The following PCDH15 variants were observed in gnomAD, a reference collection of about 807,000 sequenced individuals.
PCDH15 encodes the protein protocadherin related 15.
Under a neutral mutation model 178.5 loss-of-function variants are expected in PCDH15, and 129 were observed. The observed-to-expected ratio is 0.72, with a 90% confidence interval of 0.63 to 0.84. The LOEUF (loss-of-function observed/expected upper bound fraction) is 0.84, where lower values mean the gene tolerates loss of function less well. Ranked by LOEUF, PCDH15 falls within the 40% of genes least tolerant of loss-of-function variation. The pLI, the probability that PCDH15 is intolerant of heterozygous loss-of-function variation, is 0.00. For synonymous variants in PCDH15, 800 were observed against 732.0 expected, an observed-to-expected ratio of 1.09 and a Z score of -1.50; for missense variants, 2,230 against 2,099.9, an observed-to-expected ratio of 1.06 and a Z score of -1.21.
chr10:54,630,646 A>T (rs545462473), intron 2 of PCDH15, among the ~76,000 whole-genome samples: 89 of 152,292 alleles, frequency 5.8e-4, no homozygotes, highest in African/African-American at 2.0e-3. Context: ...AATTACAAAA[A>T]ATAAAAATTG....
chr10:54,169,072 C>G (rs2046580052), intron 13 of PCDH15, among the ~76,000 whole-genome samples: 1 of 152,218 alleles, frequency 6.6e-6, no homozygotes, highest in South Asian at 2.1e-4. Flanking sequence ...ATGCCTGCAG[C>G]CCGGGATTCC....
intron 2 of PCDH15, among the ~76,000 whole-genome samples, chr10:55,099,425 T>A (rs1365445631): frequency 6.6e-6 from 1 of 152,006 alleles, no homozygotes; most frequent in Non-Finnish European, 1.5e-5. Flanking sequence ...AAATCTGAAC[T>A]AAATGAGAAA....
At chr10:54,133,063 T>C (rs543882199) in intron 14 of PCDH15, 56 bp from the exon 15 acceptor site, 8 of 1,609,900 alleles carry the variant, frequency 5.0e-6, no homozygotes. Context: ...CATTTAATGT[T>C]AGACTGCATT....
chr10:54,169,367 G>A (rs2046621262), intron 13 of PCDH15, among the ~76,000 whole-genome samples: 1 of 125,382 alleles, frequency 8.0e-6, no homozygotes, highest in South Asian at 2.5e-4. Context: ...CTTTTCAAGG[G>A]CCTGTTTCCC....
At chr10:54,893,672 T>C (rs113808997) in intron 3 of PCDH15, among the ~76,000 whole-genome samples, 12,263 of 152,146 alleles carry the variant, frequency 0.081, 529 homozygotes, top group South Asian at 0.11. Context: ...GAGTTGGGTA[T>C]GTAAACATTC....
At chr10:54,788,410 T>C (rs78858015) in intron 1 of PCDH15, among the ~76,000 whole-genome samples, 2,930 of 151,872 alleles carry the variant, frequency 0.019, 30 homozygotes, top group Non-Finnish European at 0.028. Flanking sequence ...GTCTGAGCTA[T>C]GGAATAAAAT....
intron 8 of PCDH15, among the ~76,000 whole-genome samples, chr10:54,259,927 TA>T (rs1021703592): frequency 1.3e-5 from 2 of 152,172 alleles, no homozygotes; most frequent in African/African-American, 4.8e-5. Flanking sequence ...TAATCTAGAC[TA>T]AAATACATTT....
At chr10:54,215,893 A>T (rs2051979284) in intron 9 of PCDH15, among the ~76,000 whole-genome samples, 1 of 151,598 alleles carries the variant, frequency 6.6e-6, no homozygotes. Context: ...AAATACAAAA[A>T]ATTAGCCAGC....
At chr10:55,195,505 A>T (rs1840067357) in intron 1 of PCDH15, among the ~76,000 whole-genome samples, 1 of 137,934 alleles carries the variant, frequency 7.2e-6, no homozygotes, top group Admixed American at 7.2e-5. Context: ...AAAAAAAAAA[A>T]ATTAGGCGGG....
intron 21 of PCDH15, among the ~76,000 whole-genome samples, chr10:53,989,986 CT>C (rs1177057285): frequency 6.6e-6 from 1 of 152,282 alleles, no homozygotes; most frequent in East Asian, 1.9e-4. Context: ...AATTACATGA[CT>C]GTTACTTTCT....
intron 1 of PCDH15, among the ~76,000 whole-genome samples, chr10:55,300,354 C>T (rs1227976753): frequency 6.6e-6 from 1 of 152,112 alleles, no homozygotes; most frequent in Non-Finnish European, 1.5e-5. Context: ...GACATGCATA[C>T]CACACGAAGA....
intron 1 of PCDH15, among the ~76,000 whole-genome samples, chr10:54,797,962 A>G (rs910100222): frequency 8.6e-5 from 13 of 152,014 alleles, no homozygotes; most frequent in Non-Finnish European, 1.2e-4. Context: ...TCTCACATTC[A>G]AAACTACCTC....
intron 2 of PCDH15, among the ~76,000 whole-genome samples, chr10:54,625,257 C>T (rs763404189): frequency 4.6e-5 from 7 of 152,104 alleles, no homozygotes; most frequent in Admixed American, 1.3e-4. Flanking sequence ...AGGAGGTCTC[C>T]CAGGTCCTTG....
intron 2 of PCDH15, among the ~76,000 whole-genome samples, chr10:54,645,154 A>C (rs1352544701): frequency 6.6e-6 from 1 of 152,138 alleles, no homozygotes; most frequent in African/African-American, 2.4e-5. Context: ...TGAAAGATGC[A>C]TTTCTTGCTA....
At chr10:55,174,310 T>C (rs937853775) in intron 1 of PCDH15, among the ~76,000 whole-genome samples, 5 of 152,194 alleles carry the variant, frequency 3.3e-5, no homozygotes, top group Admixed American at 1.3e-4. Context: ...CAAGGACAAT[T>C]TAAAGCCTGA....
intron 2 of PCDH15, among the ~76,000 whole-genome samples, chr10:55,554,756 T>C (rs915599682): frequency 2.0e-5 from 3 of 152,122 alleles, no homozygotes; most frequent in Admixed American, 1.3e-4. Flanking sequence ...CTAAAGTCCA[T>C]AGTTAATTTT....
At chr10:55,546,029 G>T (rs1436365824) in intron 2 of PCDH15, among the ~76,000 whole-genome samples, 1 of 152,056 alleles carries the variant, frequency 6.6e-6, no homozygotes. Context: ...TTCAGGCAAA[G>T]TTTTCACAGA....
chr10:54,239,270 A>C lies in PCDH15; in HGVS notation c.877-2339T>G, dbSNP rs927551545. Among the ~76,000 whole-genome samples, 3 of 152,004 alleles carry C rather than the reference A, an allele frequency of 2.0e-5. No homozygotes were observed. The South Asian group carries it at 6.2e-4, about 31-fold the overall frequency. The stretch of plus-strand genomic sequence containing the variant: ...AAAATATTCTTTCTATAATATATAG[A>C]ATTGTTGAAATGAGCAACATAATTT... On this transcript the variant is annotated intron_variant, in intron 8 of 37. Coordinates refer to ENST00000644397, the MANE Select transcript of PCDH15 (RefSeq NM_001384140.1).
intron 3 of PCDH15, among the ~76,000 whole-genome samples, chr10:54,814,077 G>T (rs112266896): frequency 6.6e-6 from 1 of 152,086 alleles, no homozygotes; most frequent in East Asian, 1.9e-4. Context: ...CTAATTCATA[G>T]ATGTTCCTAA....
Sources: allele counts gnomAD v4.1 joint callset (sites outside exome capture counted in the v4.1 genomes callset), GRCh38; gene constraint gnomAD v4.1.1; transcripts MANE v1.5; gene names NCBI Gene and HGNC (gene_info 2026-07-23, HGNC 2026-07-21).